Variants in KLF12 observed in about 807,000 individuals in gnomAD.
KLF12 encodes KLF transcription factor 12.
A neutral mutation model predicts 37.8 loss-of-function variants in KLF12; 9 were observed. That is an observed-to-expected ratio of 0.24 (90% CI 0.14 to 0.42). The LOEUF (loss-of-function observed/expected upper bound fraction) is 0.42. Among genes scored for constraint, KLF12 ranks in the 10% least tolerant of loss-of-function variants. KLF12 has a pLI of 1.00. For missense variants in KLF12, 411 were observed against 516.0 expected, an observed-to-expected ratio of 0.80 and a Z score of 1.97; for synonymous variants, 208 against 202.1, an observed-to-expected ratio of 1.03 and a Z score of -0.25.
intron 2 of KLF12, among the ~76,000 whole-genome samples, chr13:73,967,200 C>T: frequency 6.6e-6 from 1 of 152,136 alleles, no homozygotes; most frequent in East Asian, 1.9e-4. Context: ...GATGGAGAGT[C>T]TGAGCATCAG....
chr13:74,140,779 T>A, the KLF12 span, among the ~76,000 whole-genome samples: 2 of 151,522 alleles, frequency 1.3e-5, no homozygotes, highest in Non-Finnish European at 1.5e-5. Context: ...TGGAGCAGGG[T>A]GCGGTGGCTC....
chr13:73,904,521 C>T (rs17287158), intron 3 of KLF12, among the ~76,000 whole-genome samples: 2,784 of 143,034 alleles, frequency 0.019, 41 homozygotes, highest in Middle Eastern at 0.04. Flanking sequence ...ACTTTGCCTC[C>T]AGCAGCTCAC....
At chr13:73,747,895 G>A (rs542254504) in intron 6 of KLF12, among the ~76,000 whole-genome samples, 7 of 152,274 alleles carry the variant, frequency 4.6e-5, no homozygotes, top group African/African-American at 1.4e-4. Flanking sequence ...TTCAAGACAT[G>A]TCACAGAATG....
intron 1 of KLF12, among the ~76,000 whole-genome samples, chr13:74,009,340 C>T (rs1189071367): frequency 1.3e-5 from 2 of 152,198 alleles, no homozygotes; most frequent in East Asian, 3.8e-4. Context: ...GTACTTTATA[C>T]ACATTATGTT....
At chr13:74,043,479 C>CTG (rs149457074) in intron 1 of KLF12, among the ~76,000 whole-genome samples, 104 of 151,872 alleles carry the variant, frequency 6.8e-4, no homozygotes, top group African/African-American at 2.2e-3. Context: ...GTGCATGTTT[C>CTG]TGTGTGTGTG....
chr13:74,213,606 C>A, the KLF12 span, among the ~76,000 whole-genome samples: 1 of 150,212 alleles, frequency 6.7e-6, no homozygotes, highest in Non-Finnish European at 1.5e-5. Flanking sequence ...TTCCCTCCCC[C>A]TTCCCTCTCT....
chr13:74,272,691 C>T, the KLF12 span, among the ~76,000 whole-genome samples: 1 of 152,048 alleles, frequency 6.6e-6, no homozygotes, highest in Non-Finnish European at 1.5e-5. Context: ...ACTAGGGAGG[C>T]AGGATAAAGG....
chr13:73,760,874 A>T (rs1474148472), intron 6 of KLF12, among the ~76,000 whole-genome samples: 1 of 152,174 alleles, frequency 6.6e-6, no homozygotes, highest in Non-Finnish European at 1.5e-5. Flanking sequence ...AAGATGGAGC[A>T]TACATAAATG....
chr13:74,145,201 A>T, the KLF12 span, among the ~76,000 whole-genome samples: 1 of 152,222 alleles, frequency 6.6e-6, no homozygotes, highest in Non-Finnish European at 1.5e-5. Flanking sequence ...CAGGGAGCAG[A>T]TGTGACCGTC....
chr13:73,944,906 A>G (rs552998561), intron 2 of KLF12, among the ~76,000 whole-genome samples: 1 of 152,314 alleles, frequency 6.6e-6, no homozygotes, highest in South Asian at 2.1e-4. Context: ...TCAGGCTCAT[A>G]TTTTTAAACA....
At chr13:73,735,747 T>C (rs1448726039) in intron 6 of KLF12, among the ~76,000 whole-genome samples, 2 of 152,174 alleles carry the variant, frequency 1.3e-5, no homozygotes, top group African/African-American at 4.8e-5. Context: ...GTCTATTTGC[T>C]ATGTAAGTAT....
In KLF12 at chr13:73,955,498, A is replaced by G. The variant is rs75925034; in HGVS notation, c.34-11428T>C. On this transcript the variant is annotated intron_variant, in intron 2 of 7. Transcript: ENST00000377669. Reference sequence around the variant, plus strand: ...TGTTTAAAACTGTGACGATGTACACACCGATTACACAGAAATACAAGTCAC... The same window carrying G: ...TGTTTAAAACTGTGACGATGTACACGCCGATTACACAGAAATACAAGTCAC... Among the ~76,000 whole-genome samples the G allele has an allele frequency of 4.7e-3, 711 of 152,318 alleles. 6 individuals carry two copies. Among genetic ancestry groups the G allele is most frequent in the Non-Finnish European group, 7.2e-3 (488 of 68,028 alleles).
chr13:74,142,212 A>G, the KLF12 span, among the ~76,000 whole-genome samples: 1 of 152,248 alleles, frequency 6.6e-6, no homozygotes, highest in Non-Finnish European at 1.5e-5. Context: ...CAGTCTGCTT[A>G]TGGCTTATCC....
intron 6 of KLF12, among the ~76,000 whole-genome samples, chr13:73,738,051 G>GTA (rs372974830): frequency 7.5e-6 from 1 of 133,402 alleles, no homozygotes; most frequent in Non-Finnish European, 1.6e-5. Context: ...ACACACATAC[G>GTA]TGTGTATATA....
At chr13:73,963,957 C>T (rs1201032807) in intron 2 of KLF12, among the ~76,000 whole-genome samples, 11 of 152,150 alleles carry the variant, frequency 7.2e-5, no homozygotes, top group Admixed American at 7.2e-4. Flanking sequence ...GAAAACCTAG[C>T]ACTATGGGAT....
At chr13:74,125,094 G>A (rs113607654) in intron 1 of KLF12, among the ~76,000 whole-genome samples, 14 of 149,192 alleles carry the variant, frequency 9.4e-5, no homozygotes, top group African/African-American at 3.4e-4. Context: ...GCAGTGAGCT[G>A]AGATGGTGTC....
chr13:73,730,142 A>G (rs1876957199), intron 6 of KLF12, among the ~76,000 whole-genome samples: 2 of 152,078 alleles, frequency 1.3e-5, no homozygotes, highest in Non-Finnish European at 2.9e-5. Context: ...GGACTCCTGG[A>G]GCTTCACTAT....
the KLF12 span, among the ~76,000 whole-genome samples, chr13:74,284,161 G>A: frequency 1.3e-5 from 2 of 152,020 alleles, no homozygotes; most frequent in Non-Finnish European, 2.9e-5. Context: ...CCGGCCTAGT[G>A]TGTATAAGTC....
At chr13:73,870,136 A>G (rs76233336) in intron 3 of KLF12, among the ~76,000 whole-genome samples, 2,094 of 152,304 alleles carry the variant, frequency 0.014, 43 homozygotes, top group African/African-American at 0.045. Flanking sequence ...ACAAGCTCCA[A>G]TATAAATTCT....
Sources: allele counts gnomAD v4.1 joint callset (sites outside exome capture counted in the v4.1 genomes callset), GRCh38; gene constraint gnomAD v4.1.1; transcripts MANE v1.5; gene names NCBI Gene and HGNC (gene_info 2026-07-23, HGNC 2026-07-21).